The following CD33 variants were observed in gnomAD, a reference collection of about 807,000 sequenced individuals.
The protein encoded by CD33 is myeloid cell surface antigen CD33.
Under a neutral mutation model 31.4 loss-of-function variants are expected in CD33, and 25 were observed. The ratio of observed to expected loss-of-function variants is 0.80; its 90% CI spans 0.58 to 1.11. The LOEUF (loss-of-function observed/expected upper bound fraction) is 1.11, where lower values mean the gene tolerates loss of function less well. Among genes scored for constraint, CD33 ranks in the 50% most tolerant of loss-of-function variants. The probability of loss-of-function intolerance (pLI) is 0.00; values close to 1 mark genes in which losing one functional copy is unlikely to be tolerated. For synonymous variants in CD33, 176 were observed against 180.6 expected (o/e 0.97, Z 0.20); for missense variants, 407 against 448.1 (o/e 0.91, Z 0.83).
chr19:51,214,653 T>A, the CD33 span, among the ~76,000 whole-genome samples: 269 of 152,336 alleles, frequency 1.8e-3, no homozygotes, highest in African/African-American at 6.2e-3. Context: ...ATTTAAGTCC[T>A]TTGTCCATTT....
chr19:51,223,259 T>C (rs1980775608), upstream of CD33, among the ~76,000 whole-genome samples: 1 of 152,190 alleles, frequency 6.6e-6, no homozygotes, highest in Non-Finnish European at 1.5e-5. Context: ...TTCTATTACG[T>C]GCCACATGCT....
At chr19:51,223,939 G>A (rs1568430520), upstream of CD33, among the ~76,000 whole-genome samples, 1 of 152,188 alleles carries the variant, frequency 6.6e-6, no homozygotes, top group Non-Finnish European at 1.5e-5. Context: ...TATGGATGGG[G>A]AGTATCTTAA....
the CD33 span, chr19:51,211,414 G>A: frequency 1.9e-6 from 3 of 1,571,416 alleles, no homozygotes; most frequent in Non-Finnish European, 2.6e-6. Context: ...AGATCAAGAA[G>A]TACAGGAGGA....
At chr19:51,224,703 C>A (rs1234169624), upstream of CD33, among the ~76,000 whole-genome samples, 1 of 152,144 alleles carries the variant, frequency 6.6e-6, no homozygotes, top group Non-Finnish European at 1.5e-5. Flanking sequence ...GGACTAAACA[C>A]CCCATGGATC....
rs757339393 is a variant in CD33, at chr19:51,235,224, C to T, written c.813C>T (p.Leu271=). The part of the protein sequence containing the change: ...AIGGAGVTAL[L]ALCLCLIFFI... The stretch of plus-strand genomic sequence containing the variant: ...GAGGAGCTGGTGTTACAGCCCTGCT[C>T]GCTCTTTGTCTCTGCCTCATCTTCT... The change falls in exon 5 of 7, where the codon CTC becomes CTT. Residue 271 remains leucine (L), a synonymous_variant. Transcript: ENST00000262262. 1.5e-5 allele frequency: 24 copies of T among 1,613,976 alleles called. 1 individual carries two copies. The highest frequency in any genetic ancestry group is 7.7e-5 in the South Asian group (7 of 91,086).
At chr19:51,225,719 G>A (rs1980957001) in intron 2 of CD33, 84 bp from the exon 3 acceptor site, 8 of 1,542,872 alleles carry the variant, frequency 5.2e-6, no homozygotes, top group Admixed American at 1.8e-5. Flanking sequence ...CTTAGCGGGG[G>A]AGCTTGACCA....
the CD33 span, chr19:51,211,080 A>G: frequency 1.2e-5 from 18 of 1,472,254 alleles, no homozygotes; most frequent in African/African-American, 2.2e-4. Flanking sequence ...CTGCTCACAC[A>G]GGAAGCCCGG....
At chr19:51,233,354 G>A (rs1981556431) in intron 4 of CD33, among the ~76,000 whole-genome samples, 1 of 152,236 alleles carries the variant, frequency 6.6e-6, no homozygotes, top group South Asian at 2.1e-4. Context: ...CCTCCAGCTG[G>A]AAGTACGGGC....
chr19:51,211,235 G>A, the CD33 span: 138 of 1,568,750 alleles, frequency 8.8e-5, 1 homozygote, highest in East Asian at 7.8e-4. Flanking sequence ...CCAAAAATCC[G>A]GCTGCAAGTG....
chr19:51,211,822 C>T, the CD33 span: 24 of 983,314 alleles, frequency 2.4e-5, 1 homozygote, highest in Middle Eastern at 2.1e-4. Flanking sequence ...ATCTTCATCC[C>T]GAGGACCCTG....
chr19:51,211,173 C>A, the CD33 span: 1 of 1,588,640 alleles, frequency 6.3e-7, no homozygotes, highest in Non-Finnish European at 8.6e-7. Context: ...GAGGGGTTGT[C>A]GGGCTGGGCC....
chr19:51,212,203 A>G, the CD33 span: 2 of 363,284 alleles, frequency 5.5e-6, no homozygotes, highest in East Asian at 1.6e-4. Flanking sequence ...CTAGGCCACA[A>G]GCCCTGTCTC....
chr19:51,212,824 C>A, the CD33 span, among the ~76,000 whole-genome samples: 1 of 152,180 alleles, frequency 6.6e-6, no homozygotes, highest in African/African-American at 2.4e-5. Flanking sequence ...GTGTGTTCAC[C>A]TGAAGGATCT....
chr19:51,235,193 C>G lies in CD33; in HGVS notation c.782C>G (p.Ala261Gly), dbSNP rs767906043. The G allele has an allele frequency of 3.7e-6, 6 of 1,613,958 alleles. No individual in the cohort carries two copies. Reference sequence around the variant, plus strand: ...ACCAGAGCAGGAGTGGTTCATGGGGCCATTGGAGGAGCTGGTGTTACAGCC... The same window carrying G: ...ACCAGAGCAGGAGTGGTTCATGGGGGCATTGGAGGAGCTGGTGTTACAGCC... ...QETRAGVVHG[A>G]IGGAGVTALL... The change falls in exon 5 of 7, where the codon GCC becomes GGC. Residue 261 changes from alanine to glycine, a missense_variant. By Grantham distance (60) the Ala-to-Gly change is moderately conservative (BLOSUM62 0). Coordinates refer to ENST00000262262, the MANE Select transcript of CD33 (RefSeq NM_001772.4).
the CD33 span, chr19:51,211,601 C>T: frequency 1.3e-6 from 2 of 1,493,284 alleles, no homozygotes; most frequent in Non-Finnish European, 1.8e-6. Context: ...GAGGCACAGG[C>T]TTCAGAAGCA....
At chr19:51,225,078 T>C (rs549852141), upstream of CD33, 97 of 1,612,646 alleles carry the variant, frequency 6.0e-5, no homozygotes, top group Middle Eastern at 1.9e-4. Flanking sequence ...CCTTCCTCTT[T>C]TCTGCTCACA....
intron 4 of CD33, among the ~76,000 whole-genome samples, chr19:51,227,439 G>A (rs1981114895): frequency 6.6e-6 from 1 of 152,052 alleles, no homozygotes; most frequent in Non-Finnish European, 1.5e-5. Flanking sequence ...TTACCTCATT[G>A]TGGTTTTGAT....
At chr19:51,217,178 G>C in the CD33 span, among the ~76,000 whole-genome samples, 1 of 152,158 alleles carries the variant, frequency 6.6e-6, no homozygotes, top group Non-Finnish European at 1.5e-5. Flanking sequence ...CAGACTGGGA[G>C]AGCGCTGCTG....
In CD33 at chr19:51,233,227, G is replaced by A. The variant is rs560912874; in HGVS notation, c.746-1930G>A. 4.6e-5 allele frequency among the ~76,000 whole-genome samples: 7 copies of A among 152,364 alleles called. No homozygotes were observed. In the East Asian group the frequency reaches 1.3e-3, roughly 29 times the overall value. On this transcript the variant is annotated intron_variant, in intron 4 of 6. Transcript: ENST00000262262. ...GTGTGAGCACATAACCACTACCCCA[G>A]CCTGGGGATGTATCAACTCTTTGTT...
Sources: gnomAD v4.1 joint callset for allele counts (sites outside exome capture counted in the v4.1 genomes callset) on GRCh38, gnomAD v4.1.1 for gene constraint, MANE v1.5 for transcripts, NCBI Gene and HGNC (gene_info 2026-07-23, HGNC 2026-07-21) for gene names.